THRB: variants seen among roughly 807,000 people sequenced by gnomAD.
THRB encodes the protein thyroid hormone receptor beta, also known as nuclear receptor subfamily 1 group A member 2.
A neutral mutation model predicts 47.8 loss-of-function variants in THRB; 12 were observed. The observed-to-expected ratio is 0.25, with a 90% CI of 0.16 to 0.41. The LOEUF is 0.41. THRB is among the 10% of genes least tolerant of loss of function. The probability of loss-of-function intolerance (pLI) is 1.00; values close to 1 mark genes in which losing one functional copy is unlikely to be tolerated. For synonymous variants in THRB, 218 were observed against 212.2 expected (o/e 1.03, Z -0.24); for missense variants, 348 against 589.2 (o/e 0.59, Z 4.24).
intron 3 of THRB, among the ~76,000 whole-genome samples, chr3:24,281,975 CA>C (rs1401606822): frequency 1.4e-5 from 2 of 143,766 alleles, no homozygotes; most frequent in Admixed American, 1.4e-4. Context: ...GACTCCCACA[CA>C]TTAATAATGG....
chr3:24,232,529 G>A (rs762454877), intron 3 of THRB, among the ~76,000 whole-genome samples: 25 of 152,152 alleles, frequency 1.6e-4, no homozygotes, highest in Non-Finnish European at 3.5e-4. Context: ...CTATCCCCAG[G>A]TTATGATTTA....
At chr3:24,184,470 C>G (rs1032638355) in intron 5 of THRB, among the ~76,000 whole-genome samples, 2 of 152,158 alleles carry the variant, frequency 1.3e-5, no homozygotes, top group Admixed American at 6.5e-5. Flanking sequence ...GTTAGATGAA[C>G]CAGGGCCTTG....
At chr3:24,165,238 G>A (rs767200132) in intron 5 of THRB, 4 of 765,052 alleles carry the variant, frequency 5.2e-6, no homozygotes, top group South Asian at 2.7e-5. Flanking sequence ...CCTGAGCATC[G>A]CAACCGCTGT....
At chr3:24,264,387 A>AT (rs1432063587) in intron 3 of THRB, among the ~76,000 whole-genome samples, 2 of 151,956 alleles carry the variant, frequency 1.3e-5, no homozygotes, top group Non-Finnish European at 2.9e-5. Context: ...TACCTCTTAA[A>AT]TTTTTTGTTT....
At chr3:24,357,346 CAAAAAAAAAAAAAA>C (rs781709724) in intron 1 of THRB, among the ~76,000 whole-genome samples, 2 of 28,714 alleles carry the variant, frequency 7.0e-5, no homozygotes. Flanking sequence ...TTGTCTCTCC[CAAAAAAAAAAAAAA>C]AAAAAAAAAA....
intron 5 of THRB, among the ~76,000 whole-genome samples, chr3:24,167,594 A>G (rs1343260163): frequency 6.6e-6 from 1 of 152,188 alleles, no homozygotes; most frequent in Non-Finnish European, 1.5e-5. Context: ...CTAATCTGAA[A>G]ATTAACCTTT....
intron 2 of THRB, among the ~76,000 whole-genome samples, chr3:24,317,336 TG>T (rs1411937124): frequency 6.6e-6 from 1 of 152,156 alleles, no homozygotes; most frequent in Non-Finnish European, 1.5e-5. Context: ...AAGAGGTGCA[TG>T]CTACCTGAGT....
intron 1 of THRB, among the ~76,000 whole-genome samples, chr3:24,353,271 G>A (rs982302698): frequency 2.0e-5 from 3 of 149,772 alleles, no homozygotes; most frequent in African/African-American, 7.5e-5. Context: ...TAAAGGTTTA[G>A]ATAGCCTACA....
intron 1 of THRB, among the ~76,000 whole-genome samples, chr3:24,487,977 G>A (rs1057439385): frequency 6.6e-6 from 1 of 152,162 alleles, no homozygotes; most frequent in Admixed American, 6.5e-5. Flanking sequence ...GAACCATCTT[G>A]AGAACCAAGG....
intron 4 of THRB, among the ~76,000 whole-genome samples, chr3:24,216,683 C>G (rs1185730610): frequency 1.3e-5 from 2 of 152,092 alleles, no homozygotes; most frequent in African/African-American, 4.8e-5. Flanking sequence ...GGCAAGAACT[C>G]TTGCTCAGTC....
In THRB at chr3:24,232,360, C is replaced by T. The variant is rs117747627; in HGVS notation, c.-42-3359G>A. ...AAACTAACATAGGGAGAGAATTGCACCAGATAAATGCAAAAATATATACAG... is the reference window on the plus strand; with the variant it reads ...AAACTAACATAGGGAGAGAATTGCATCAGATAAATGCAAAAATATATACAG... On this transcript the variant is annotated intron_variant, in intron 3 of 10. Coordinates refer to ENST00000646209, the MANE Select transcript of THRB (RefSeq NM_001354712.2). Among the ~76,000 whole-genome samples, 543 of 152,240 alleles carry T rather than the reference C, an allele frequency of 3.6e-3. 14 individuals are homozygous for T. The South Asian group carries it at 0.048, about 13-fold the overall frequency.
chr3:24,395,981 G>T (rs1347665070), intron 1 of THRB, among the ~76,000 whole-genome samples: 1 of 152,074 alleles, frequency 6.6e-6, no homozygotes, highest in African/African-American at 2.4e-5. Flanking sequence ...GTTGCCTAGA[G>T]GTAGAGTGGG....
At chr3:24,388,225 G>C (rs530483576) in intron 1 of THRB, among the ~76,000 whole-genome samples, 1 of 152,180 alleles carries the variant, frequency 6.6e-6, no homozygotes, top group Non-Finnish European at 1.5e-5. Context: ...CACCCAACTT[G>C]GAACAACTCT....
chr3:24,192,621 G>A (rs1368167006), intron 4 of THRB, among the ~76,000 whole-genome samples: 1 of 152,004 alleles, frequency 6.6e-6, no homozygotes, highest in Admixed American at 6.5e-5. Context: ...ATGCTAACAG[G>A]GGCTCCACTC....
chr3:24,472,154 C>G (rs985207352), intron 1 of THRB, among the ~76,000 whole-genome samples: 5 of 152,282 alleles, frequency 3.3e-5, no homozygotes, highest in Admixed American at 6.5e-5. Context: ...TATCACCTAG[C>G]TAGTAGGGAC....
chr3:24,461,575 T>G (rs1465759866), intron 1 of THRB, among the ~76,000 whole-genome samples: 1 of 152,210 alleles, frequency 6.6e-6, no homozygotes, highest in African/African-American at 2.4e-5. Context: ...TAATGATTAA[T>G]CCATCGTTGA....
intron 1 of THRB, chr3:24,430,007 A>G (rs1378751040): frequency 1.3e-5 from 2 of 152,078 alleles, no homozygotes; most frequent in Admixed American, 1.3e-4. Context: ...GAGTAACAGA[A>G]CATGTTTGTC....
chr3:24,143,081 G>T (rs895625184), intron 8 of THRB, among the ~76,000 whole-genome samples: 2 of 152,090 alleles, frequency 1.3e-5, no homozygotes. Context: ...TATACTTGAG[G>T]CCTAGAGGCT....
At chr3:24,337,993 T>C (rs1441058944) in intron 1 of THRB, among the ~76,000 whole-genome samples, 1 of 152,202 alleles carries the variant, frequency 6.6e-6, no homozygotes, top group East Asian at 1.9e-4. Context: ...ACACCTGCCA[T>C]GCCGCAGAGG....
Sources: gnomAD v4.1 joint callset for allele counts (sites outside exome capture counted in the v4.1 genomes callset) on GRCh38, gnomAD v4.1.1 for gene constraint, MANE v1.5 for transcripts, NCBI Gene and HGNC (gene_info 2026-07-23, HGNC 2026-07-21) for gene names.